SLC16A10: variants seen among roughly 807,000 people sequenced by gnomAD.
The protein encoded by SLC16A10 is monocarboxylate transporter 10.
Under a neutral mutation model 40.0 loss-of-function variants are expected in SLC16A10, and 27 were observed. That is an observed-to-expected ratio of 0.67 (90% CI 0.50 to 0.93). SLC16A10 has a LOEUF of 0.93. Among genes scored for constraint, SLC16A10 ranks in the 40% least tolerant of loss-of-function variants. SLC16A10 has a pLI of 0.00. For missense variants in SLC16A10, 529 were observed against 658.2 expected (o/e 0.80, Z 2.15); for synonymous variants, 213 against 249.8 (o/e 0.85, Z 1.39).
chr6:111,113,429 G>A (rs997959553), intron 1 of SLC16A10, among the ~76,000 whole-genome samples: 1 of 152,196 alleles, frequency 6.6e-6, no homozygotes, highest in Admixed American at 6.5e-5. Context: ...TCGATCACAT[G>A]GAAAGGGGAA....
At chr6:111,156,883 A>T (rs1772280035) in intron 1 of SLC16A10, among the ~76,000 whole-genome samples, 1 of 152,200 alleles carries the variant, frequency 6.6e-6, no homozygotes, top group African/African-American at 2.4e-5. Context: ...CACAATTGTT[A>T]TGTAAATCTG....
intron 1 of SLC16A10, among the ~76,000 whole-genome samples, chr6:111,169,919 CTTTTTTTT>C (rs60561269): frequency 7.4e-6 from 1 of 135,114 alleles, no homozygotes; most frequent in East Asian, 2.1e-4. Context: ...TCTTTTCTTT[CTTTTTTTT>C]TTTTTTTGAG....
At chr6:111,161,299 A>G (rs956793903) in intron 1 of SLC16A10, among the ~76,000 whole-genome samples, 4 of 151,438 alleles carry the variant, frequency 2.6e-5, no homozygotes, top group Admixed American at 6.6e-5. Context: ...ATCAGAGGAA[A>G]GCATGCCAAA....
chr6:111,218,946 G>C lies in SLC16A10; in HGVS notation c.1219G>C (p.Ala407Pro). The C allele has an allele frequency of 6.2e-7, 1 of 1,614,112 alleles. No homozygotes were observed. The highest frequency in any genetic ancestry group is 8.5e-7 in the Non-Finnish European group (1 of 1,180,030). ...CTTCATTTCCATTATGGCTCCCATA[G>C]CCTTTGAGTTAGTTGGTGCCCAGGA... ...GCFISIMAPI[A>P]FELVGAQDVS... The change falls in exon 5 of 6, where the codon GCC becomes CCC. Residue 407 changes from alanine to proline, a missense_variant. By Grantham distance (27) the Ala-to-Pro change is conservative. Transcript: ENST00000368851.
At chr6:111,160,052 TTCTC>T (rs1170767730) in intron 1 of SLC16A10, among the ~76,000 whole-genome samples, 1 of 152,208 alleles carries the variant, frequency 6.6e-6, no homozygotes, top group African/African-American at 2.4e-5. Context: ...TTTGCAAATC[TTCTC>T]TCTCAGTTTG....
At chr6:111,172,889 TA>T (rs748471057) in intron 2 of SLC16A10, 50 bp downstream of exon 2, 7 of 1,579,136 alleles carry the variant, frequency 4.4e-6, no homozygotes, top group Non-Finnish European at 5.2e-6. Flanking sequence ...TTAGATACCT[TA>T]AAGTTTTACT....
At chr6:111,124,220 A>G (rs907627766) in intron 1 of SLC16A10, among the ~76,000 whole-genome samples, 2 of 152,064 alleles carry the variant, frequency 1.3e-5, no homozygotes, top group Admixed American at 6.6e-5. Context: ...AGGGAACTCT[A>G]TGCTTTCAAC....
chr6:111,113,831 C>G (rs761184500), intron 1 of SLC16A10, among the ~76,000 whole-genome samples: 2 of 152,130 alleles, frequency 1.3e-5, no homozygotes, highest in Non-Finnish European at 2.9e-5. Context: ...AGTGTTGTTG[C>G]CTGTCTTATG....
At chr6:111,166,183 A>T (rs564499893) in intron 1 of SLC16A10, among the ~76,000 whole-genome samples, 2 of 152,304 alleles carry the variant, frequency 1.3e-5, no homozygotes, top group East Asian at 3.9e-4. Context: ...AAGAATAAAC[A>T]GTGATTTTTA....
chr6:111,097,725 T>C (rs1000402114), intron 1 of SLC16A10, among the ~76,000 whole-genome samples: 1 of 152,182 alleles, frequency 6.6e-6, no homozygotes, highest in African/African-American at 2.4e-5. Context: ...AATGTACCCC[T>C]CTAGAACTTC....
At chr6:111,155,854 C>A (rs1772261045) in intron 1 of SLC16A10, among the ~76,000 whole-genome samples, 1 of 152,124 alleles carries the variant, frequency 6.6e-6, no homozygotes, top group Non-Finnish European at 1.5e-5. Flanking sequence ...CCATGACATC[C>A]CTGTTGCAAC....
intron 4 of SLC16A10, among the ~76,000 whole-genome samples, chr6:111,216,643 C>T (rs570516482): frequency 7.5e-4 from 114 of 151,206 alleles, no homozygotes; most frequent in Admixed American, 1.9e-3. Flanking sequence ...TCTTGATCTC[C>T]TGACCTCGTG....
chr6:111,185,545 G>A (rs1772880231), intron 3 of SLC16A10, among the ~76,000 whole-genome samples: 1 of 152,070 alleles, frequency 6.6e-6, no homozygotes, highest in South Asian at 2.1e-4. Context: ...CTTCTCTTTT[G>A]ATCTCAAGTA....
intron 4 of SLC16A10, among the ~76,000 whole-genome samples, chr6:111,207,494 ACACT>A (rs1773273959): frequency 6.6e-6 from 1 of 152,240 alleles, no homozygotes; most frequent in Non-Finnish European, 1.5e-5. Context: ...TTCATGCCAC[ACACT>A]CTGCTAAATG....
chr6:111,090,404 G>C (rs938463143), intron 1 of SLC16A10, among the ~76,000 whole-genome samples: 3 of 152,180 alleles, frequency 2.0e-5, no homozygotes, highest in Non-Finnish European at 4.4e-5. Flanking sequence ...CTACAGAAGG[G>C]CCCTATGCAC....
intron 1 of SLC16A10, among the ~76,000 whole-genome samples, chr6:111,126,478 G>C (rs771632444): frequency 8.5e-5 from 13 of 152,066 alleles, no homozygotes; most frequent in Non-Finnish European, 1.9e-4. Context: ...CTATATCTAG[G>C]AGCGTCATAT....
intron 1 of SLC16A10, among the ~76,000 whole-genome samples, chr6:111,117,461 AT>A (rs1771509979): frequency 6.6e-6 from 1 of 152,122 alleles, no homozygotes; most frequent in Non-Finnish European, 1.5e-5. Flanking sequence ...ACTTTAGTCA[AT>A]ATTTGGTTAT....
intron 1 of SLC16A10, among the ~76,000 whole-genome samples, chr6:111,139,542 T>C (rs527877505): frequency 6.6e-6 from 1 of 152,322 alleles, no homozygotes; most frequent in African/African-American, 2.4e-5. Flanking sequence ...CCTGGTGATC[T>C]GCCTGCCTCG....
rs6935883 is a variant in SLC16A10, at chr6:111,099,248, A to G, written c.343+11153A>G. ...AAGGGTCAGAGGAGATAATAGACTT[A>G]TATTTGTATTTTTATGCATAATTAT... is the stretch of plus-strand genomic sequence containing the variant. On this transcript the variant is annotated intron_variant, in intron 1 of 5. Transcript: ENST00000368851. 8.2e-3 allele frequency among the ~76,000 whole-genome samples: 1,253 copies of G among 152,312 alleles called. 26 individuals carry two copies. The highest frequency in any genetic ancestry group is 0.029 in the African/African-American group (1,191 of 41,560).
Sources: allele counts gnomAD v4.1 joint callset (sites outside exome capture counted in the v4.1 genomes callset), GRCh38; gene constraint gnomAD v4.1.1; transcripts MANE v1.5; gene names NCBI Gene and HGNC (gene_info 2026-07-23, HGNC 2026-07-21).